The following UBL3 variants were observed in gnomAD, a reference collection of about 807,000 sequenced individuals.
The protein encoded by UBL3 is ubiquitin like 3.
In UBL3, 6 loss-of-function variants were observed where a neutral mutation model predicts 18.4. The observed-to-expected ratio is 0.33, with a 90% CI of 0.18 to 0.64. The LOEUF (loss-of-function observed/expected upper bound fraction) is 0.64. Ranked by LOEUF, UBL3 falls within the 30% of genes least tolerant of loss-of-function variation. The pLI is 0.76. For synonymous variants in UBL3, 49 were observed against 46.6 expected (o/e 1.05, Z -0.21); for missense variants, 109 against 142.9 (o/e 0.76, Z 1.21).
chr13:29,835,105 T>A (rs868086543), intron 1 of UBL3, among the ~76,000 whole-genome samples: 7 of 25,008 alleles, frequency 2.8e-4, no homozygotes, highest in East Asian at 1.7e-3. Context: ...TATATATATA[T>A]AAATATATAT....
At chr13:29,817,500 A>C (rs1159088192) in intron 1 of UBL3, among the ~76,000 whole-genome samples, 3 of 152,182 alleles carry the variant, frequency 2.0e-5, no homozygotes, top group Non-Finnish European at 4.4e-5. Context: ...TGATGGAAAT[A>C]AGAATGGGTC....
intron 2 of UBL3, among the ~76,000 whole-genome samples, chr13:29,773,086 A>T (rs1001636499): frequency 6.6e-6 from 1 of 152,188 alleles, no homozygotes; most frequent in Non-Finnish European, 1.5e-5. Context: ...AACAATTCTA[A>T]TGTGTTTGTT....
intron 1 of UBL3, among the ~76,000 whole-genome samples, chr13:29,782,392 A>G (rs1233153739): frequency 6.6e-6 from 1 of 152,202 alleles, no homozygotes; most frequent in African/African-American, 2.4e-5. Flanking sequence ...CAATAAACTG[A>G]TATTACACTT....
At chr13:29,835,753 CAAAAAAAAAAAAAAA>C (rs34271187) in intron 1 of UBL3, among the ~76,000 whole-genome samples, 1 of 37,006 alleles carries the variant, frequency 2.7e-5, no homozygotes, top group Non-Finnish European at 4.8e-5. Flanking sequence ...GACGCTGTCT[CAAAAAAAAAAAAAAA>C]AAAAAAAAAA....
chr13:29,816,665 G>A (rs1484942234), intron 1 of UBL3, among the ~76,000 whole-genome samples: 1 of 149,680 alleles, frequency 6.7e-6, no homozygotes, highest in African/African-American at 2.5e-5. Context: ...TGAGGTGGGA[G>A]GATTGTTTGA....
intron 1 of UBL3, among the ~76,000 whole-genome samples, chr13:29,828,632 T>C (rs1878686848): frequency 6.6e-6 from 1 of 152,220 alleles, no homozygotes; most frequent in Non-Finnish European, 1.5e-5. Flanking sequence ...CTTCCTCCTT[T>C]AGCTCGGAGA....
At position 29,767,115 on chromosome 13, in the gene UBL3, G is replaced by A. The variant is rs894478347; in HGVS notation, c.*140C>T. 2.9e-6 allele frequency: 2 copies of A among 681,398 alleles called. No homozygotes were observed. Among genetic ancestry groups the A allele is most frequent in the Non-Finnish European group, 4.7e-6 (2 of 425,114 alleles). The allele number at this position is 681,398 out of a possible 1,614,324, so 42.2% of individuals were successfully genotyped here. On this transcript the variant is annotated 3_prime_UTR_variant, in exon 5 of 5. Transcript: ENST00000380680. Reference sequence around the variant, plus strand: ...TCTTTTTACTTTCATGAGAAAAGATGACAGTGTTCATGTGGTAATTCAGTT... The same window carrying A: ...TCTTTTTACTTTCATGAGAAAAGATAACAGTGTTCATGTGGTAATTCAGTT...
chr13:29,824,853 A>G (rs867050157), intron 1 of UBL3, among the ~76,000 whole-genome samples: 8 of 152,220 alleles, frequency 5.3e-5, no homozygotes, highest in African/African-American at 1.4e-4. Context: ...TAACATTTAA[A>G]TCTTTAATCC....
chr13:29,820,388 C>T (rs961944292), intron 1 of UBL3, among the ~76,000 whole-genome samples: 4 of 152,044 alleles, frequency 2.6e-5, no homozygotes, highest in Admixed American at 2.6e-4. Context: ...GTTGGCCAGG[C>T]TGGTCTTGAA....
At chr13:29,775,456 G>C (rs1876956429) in intron 2 of UBL3, among the ~76,000 whole-genome samples, 1 of 152,078 alleles carries the variant, frequency 6.6e-6, no homozygotes, top group Non-Finnish European at 1.5e-5. Flanking sequence ...TATGTTCTTT[G>C]TCAAAATAAG....
Position 29,833,087 on chromosome 13 carries a change from G to A in UBL3, c.27+16425C>T, listed in dbSNP as rs1259879354. The stretch of plus-strand genomic sequence containing the variant: ...CCAACAGGAGATGAGGCTGGAATGC[G>A]GCCCAACTGCCAAGACAAGAGCATT... On this transcript the variant is annotated intron_variant, in intron 1 of 4. Coordinates refer to ENST00000380680, the MANE Select transcript of UBL3 (RefSeq NM_007106.4). Among the ~76,000 whole-genome samples, 8 of 152,320 alleles carry A rather than the reference G, an allele frequency of 5.3e-5. No homozygotes were observed. The East Asian group carries it at 9.7e-4, about 18-fold the overall frequency.
At chr13:29,812,672 T>C (rs1878124388) in intron 1 of UBL3, among the ~76,000 whole-genome samples, 1 of 152,052 alleles carries the variant, frequency 6.6e-6, no homozygotes, top group African/African-American at 2.4e-5. Context: ...CAGAAAACCT[T>C]AAGCATGTTT....
intron 1 of UBL3, 66 bp downstream of exon 1, chr13:29,849,446 G>C: frequency 6.2e-7 from 1 of 1,609,086 alleles, no homozygotes; most frequent in Non-Finnish European, 8.5e-7. Context: ...CACGCCTGCC[G>C]TCTTTCCGAT....
chr13:29,775,031 A>G (rs566669876), intron 2 of UBL3, among the ~76,000 whole-genome samples: 42 of 152,334 alleles, frequency 2.8e-4, no homozygotes, highest in African/African-American at 9.6e-4. Flanking sequence ...ACAATTTGTT[A>G]TACTGTATAA....
intron 1 of UBL3, among the ~76,000 whole-genome samples, chr13:29,835,621 G>A (rs781202730): frequency 6.6e-6 from 1 of 151,660 alleles, no homozygotes; most frequent in Non-Finnish European, 1.5e-5. Context: ...TGGGTGCGGT[G>A]GTGCGTGCCT....
intron 1 of UBL3, among the ~76,000 whole-genome samples, chr13:29,823,937 T>A (rs1198621015): frequency 1.4e-5 from 2 of 145,092 alleles, no homozygotes; most frequent in African/African-American, 5.1e-5. Context: ...AATTCCCACC[T>A]ATGAGTGAGA....
chr13:29,784,589 A>G (rs1877261280), intron 1 of UBL3, among the ~76,000 whole-genome samples: 1 of 151,986 alleles, frequency 6.6e-6, no homozygotes, highest in Non-Finnish European at 1.5e-5. Flanking sequence ...ACAACTCCCG[A>G]CTTATATCAA....
rs530249865 is a variant in UBL3 at position 29,811,109 on chromosome 13, T to C, written c.28-33846A>G. The stretch of plus-strand genomic sequence containing the variant: ...CAGAACACAATGTGATCTTTGGAAT[T>C]ATTATACGATAATCTTTGGACCATG... On this transcript the variant is annotated intron_variant, in intron 1 of 4. Transcript: ENST00000380680. Among the ~76,000 whole-genome samples the C allele has an allele frequency of 2.8e-4, 42 of 152,134 alleles. No individual in the cohort carries two copies. The South Asian group carries it at 8.3e-3, about 30-fold the overall frequency.
chr13:29,773,235 T>TA (rs1876892149), intron 2 of UBL3, among the ~76,000 whole-genome samples: 1 of 152,164 alleles, frequency 6.6e-6, no homozygotes, highest in African/African-American at 2.4e-5. Flanking sequence ...GTGAATTTGA[T>TA]AAAACCACTG....
Sources: gnomAD v4.1 joint callset for allele counts (sites outside exome capture counted in the v4.1 genomes callset) on GRCh38, gnomAD v4.1.1 for gene constraint, MANE v1.5 for transcripts, NCBI Gene and HGNC (gene_info 2026-07-23, HGNC 2026-07-21) for gene names.